The following XKR4 variants were observed in gnomAD, a reference collection of about 807,000 sequenced individuals.
XKR4 encodes the protein XK related 4.
A neutral mutation model predicts 53.9 loss-of-function variants in XKR4; 12 were observed. The ratio of observed to expected loss-of-function variants is 0.22; its 90% CI spans 0.14 to 0.36. The LOEUF is 0.36. XKR4 is among the 10% of genes least tolerant of loss of function. The probability of loss-of-function intolerance (pLI) is 1.00; values close to 1 mark genes in which losing one functional copy is unlikely to be tolerated. For synonymous variants in XKR4, 354 were observed against 362.4 expected, an observed-to-expected ratio of 0.98 and a Z score of 0.26; for missense variants, 799 against 859.5, an observed-to-expected ratio of 0.93 and a Z score of 0.88.
At chr8:55,310,508 A>G (rs1001090352) in intron 1 of XKR4, among the ~76,000 whole-genome samples, 1 of 152,236 alleles carries the variant, frequency 6.6e-6, no homozygotes, top group Non-Finnish European at 1.5e-5. Context: ...TTAAAATGGG[A>G]AGATCTAAAG....
chr8:55,147,729 C>T (rs565859435), intron 1 of XKR4, among the ~76,000 whole-genome samples: 78 of 152,272 alleles, frequency 5.1e-4, no homozygotes, highest in African/African-American at 1.8e-3. Flanking sequence ...CCATAAATTA[C>T]CAATGATGCA....
At chr8:55,269,236 C>T (rs1415840856) in intron 1 of XKR4, among the ~76,000 whole-genome samples, 1 of 151,572 alleles carries the variant, frequency 6.6e-6, no homozygotes, top group Admixed American at 6.6e-5. Context: ...GGCTTTTAGT[C>T]ATTTGTTTAT....
intron 2 of XKR4, among the ~76,000 whole-genome samples, chr8:55,399,580 C>T (rs1469304576): frequency 3.9e-5 from 6 of 152,182 alleles, no homozygotes; most frequent in African/African-American, 1.4e-4. Flanking sequence ...GCACTAGAAA[C>T]CCTGGGTTCT....
chr8:55,102,589 T>C lies in XKR4; in HGVS notation c.101T>C (p.Leu34Ser). ...NSDHSGSVQG[L>S]APGLPSGSGA... Reference sequence around the variant, plus strand: ...GACCACTCGGGCTCGGTGCAGGGATTGGCTCCAGGCTTGCCGTCGGGGTCG... The same window carrying C: ...GACCACTCGGGCTCGGTGCAGGGATCGGCTCCAGGCTTGCCGTCGGGGTCG... Residue 34 changes from leucine to serine, a missense_variant, in exon 1 of 3, where the codon TTG becomes TCG. Coordinates refer to ENST00000327381, the MANE Select transcript of XKR4 (RefSeq NM_052898.2). The surrounding 1 kb of genome is among the most constrained non-coding windows in gnomAD (Gnocchi z 5.1). 6.6e-7 allele frequency: 1 copy of C among 1,512,668 alleles called. No individual in the cohort carries two copies. The highest frequency in any genetic ancestry group is 2.0e-5 in the Admixed American group (1 of 50,516). The allele number at this position is 1,512,668 out of a possible 1,614,324, so 93.7% of individuals were successfully genotyped here. A position where few individuals can be genotyped will look rare whatever the true frequency, so the allele number is the denominator to read the frequency against.
chr8:55,462,679 C>T (rs904147206), intron 2 of XKR4, among the ~76,000 whole-genome samples: 8 of 152,120 alleles, frequency 5.3e-5, no homozygotes, highest in African/African-American at 1.2e-4. Flanking sequence ...CACAGACTGG[C>T]AAATTGGGTA....
At chr8:55,358,414 A>T (rs1272544131) in intron 2 of XKR4, among the ~76,000 whole-genome samples, 2 of 151,028 alleles carry the variant, frequency 1.3e-5, no homozygotes, top group East Asian at 1.9e-4. Flanking sequence ...GAAAAAAAAA[A>T]TTTGTGAATG....
At chr8:55,462,329 T>G (rs1279608583) in intron 2 of XKR4, among the ~76,000 whole-genome samples, 3 of 152,146 alleles carry the variant, frequency 2.0e-5, no homozygotes, top group African/African-American at 7.2e-5. Flanking sequence ...TCAACATTCT[T>G]AAAGAAAAGA....
chr8:55,219,263 GC>G (rs59839089), intron 1 of XKR4, among the ~76,000 whole-genome samples: 3,343 of 152,264 alleles, frequency 0.022, 133 homozygotes, highest in African/African-American at 0.075. Context: ...TCATGGACCT[GC>G]GATGGATCTT....
chr8:55,157,534 T>C (rs1816925061), intron 1 of XKR4, among the ~76,000 whole-genome samples: 1 of 152,162 alleles, frequency 6.6e-6, no homozygotes, highest in African/African-American at 2.4e-5. Flanking sequence ...TTAAAAAAAC[T>C]TTTAGGTTCA....
chr8:55,366,573 A>G (rs1803992011), intron 2 of XKR4, among the ~76,000 whole-genome samples: 1 of 152,156 alleles, frequency 6.6e-6, no homozygotes, highest in African/African-American at 2.4e-5. Flanking sequence ...TCCTGCTCCA[A>G]AATGAACTGC....
At chr8:55,182,996 T>C (rs529965111) in intron 1 of XKR4, among the ~76,000 whole-genome samples, 11 of 152,204 alleles carry the variant, frequency 7.2e-5, no homozygotes, top group African/African-American at 2.4e-4. Context: ...TTTATGTCTT[T>C]CAGGAATTGA....
At chr8:55,171,756 C>G (rs1411549540) in intron 1 of XKR4, among the ~76,000 whole-genome samples, 2 of 152,118 alleles carry the variant, frequency 1.3e-5, no homozygotes, top group Admixed American at 1.3e-4. Flanking sequence ...CTTCGCCTGA[C>G]AGCCTGGTCA....
At chr8:55,411,641 G>A (rs1425803075) in intron 2 of XKR4, among the ~76,000 whole-genome samples, 1 of 152,222 alleles carries the variant, frequency 6.6e-6, no homozygotes, top group Non-Finnish European at 1.5e-5. Context: ...TGACTCTGTG[G>A]GAATGAGGTC....
At chr8:55,188,510 G>A (rs1817406817) in intron 1 of XKR4, among the ~76,000 whole-genome samples, 1 of 152,194 alleles carries the variant, frequency 6.6e-6, no homozygotes, top group South Asian at 2.1e-4. Flanking sequence ...TTCCAAGACA[G>A]TCGTTCAACA....
intron 2 of XKR4, among the ~76,000 whole-genome samples, chr8:55,393,339 G>T (rs1585553241): frequency 1.3e-5 from 2 of 151,292 alleles, no homozygotes; most frequent in East Asian, 3.9e-4. Flanking sequence ...AAGGATAATT[G>T]GTCTCATTTC....
chr8:55,289,788 GGAGA>G (rs994915891), intron 1 of XKR4, among the ~76,000 whole-genome samples: 5 of 132,194 alleles, frequency 3.8e-5, no homozygotes, highest in South Asian at 2.5e-4. Flanking sequence ...AGAGGGAGGG[GGAGA>G]GAGAGAGAGA....
chr8:55,448,951 C>T (rs1805382477), intron 2 of XKR4, among the ~76,000 whole-genome samples: 1 of 152,084 alleles, frequency 6.6e-6, no homozygotes, highest in African/African-American at 2.4e-5. Context: ...TGAGGCCTTA[C>T]ATATCTAAAA....
At chr8:55,207,797 A>G (rs1337292455) in intron 1 of XKR4, among the ~76,000 whole-genome samples, 1 of 152,080 alleles carries the variant, frequency 6.6e-6, no homozygotes, top group Non-Finnish European at 1.5e-5. Flanking sequence ...GGGAGAATCA[A>G]TTTGGGCCAT....
intron 1 of XKR4, among the ~76,000 whole-genome samples, chr8:55,174,148 T>A (rs80349748): frequency 0.019 from 2,824 of 151,448 alleles, 101 homozygotes; most frequent in African/African-American, 0.065. Flanking sequence ...TATGATCATT[T>A]AAAAAAAAAG....
Sources: allele counts gnomAD v4.1 joint callset (sites outside exome capture counted in the v4.1 genomes callset), GRCh38; gene constraint gnomAD v4.1.1; non-coding constraint Gnocchi (gnomAD v3.1); transcripts MANE v1.5; gene names NCBI Gene and HGNC (gene_info 2026-07-23, HGNC 2026-07-21).